NF1: variants seen among roughly 807,000 people sequenced by gnomAD.
NF1 encodes neurofibromin.
Under a neutral mutation model 325.7 loss-of-function variants are expected in NF1, and 122 were observed. The ratio of observed to expected loss-of-function variants is 0.37; its 90% CI spans 0.32 to 0.44. The LOEUF (loss-of-function observed/expected upper bound fraction) is 0.44. Among genes scored for constraint, NF1 ranks in the 20% least tolerant of loss-of-function variants. The pLI, the probability that NF1 is intolerant of heterozygous loss-of-function variation, is 1.00. For missense variants in NF1, 2,140 were observed against 3,415.4 expected (o/e 0.63, Z 9.31); for synonymous variants, 1,091 against 1,186.0 (o/e 0.92, Z 1.65).
At chr17:31,296,447 T>C in intron 36 of NF1, 2 of 993,522 alleles carry the variant, frequency 2.0e-6, no homozygotes, top group Admixed American at 1.7e-5. Context: ...TGTTGTCGAG[T>C]CCTTTTATAA....
chr17:31,309,847 G>T (rs1380078760), intron 36 of NF1, among the ~76,000 whole-genome samples: 1 of 152,170 alleles, frequency 6.6e-6, no homozygotes, highest in Non-Finnish European at 1.5e-5. Context: ...TCAGTTAACG[G>T]TTATGGCAAT....
intron 36 of NF1, chr17:31,320,589 A>G: frequency 1.7e-6 from 1 of 576,624 alleles, no homozygotes; most frequent in East Asian, 2.8e-5. Context: ...TGTAATAAAC[A>G]ATGCTAACTG....
At chr17:31,139,815 G>A (rs577954219) in intron 1 of NF1, among the ~76,000 whole-genome samples, 1 of 152,322 alleles carries the variant, frequency 6.6e-6, no homozygotes, top group African/African-American at 2.4e-5. Flanking sequence ...TAGGATTATT[G>A]TAGAAATATT....
intron 2 of NF1, among the ~76,000 whole-genome samples, chr17:31,156,537 C>T (rs1000412995): frequency 6.6e-6 from 1 of 152,088 alleles, no homozygotes; most frequent in South Asian, 2.1e-4. Flanking sequence ...TGTCCCAGCC[C>T]TAAGTAGATG....
At chr17:31,290,959 T>G (rs935885270) in intron 36 of NF1, among the ~76,000 whole-genome samples, 1 of 149,976 alleles carries the variant, frequency 6.7e-6, no homozygotes, top group African/African-American at 2.5e-5. Context: ...TGAGCCAAGA[T>G]CGCACCACTG....
chr17:31,317,834 G>A (rs7505), intron 36 of NF1: 76,627 of 152,988 alleles, frequency 0.5, 20,966 homozygotes, highest in Non-Finnish European at 0.62. Context: ...CATCCAGCAA[G>A]GAAGATACCA....
intron 55 of NF1, 46 bp from the exon 56 acceptor site, chr17:31,358,923 A>G: frequency 6.6e-7 from 1 of 1,525,536 alleles, no homozygotes; most frequent in African/African-American, 1.4e-5. Flanking sequence ...TGTTACAATT[A>G]AAAGATACCT....
intron 1 of NF1, among the ~76,000 whole-genome samples, chr17:31,147,861 T>C (rs1916684467): frequency 6.6e-6 from 1 of 152,244 alleles, no homozygotes; most frequent in Non-Finnish European, 1.5e-5. Flanking sequence ...CACTGAGGCA[T>C]TTGAGATTCC....
At chr17:31,362,770 C>T (rs1305034975) in intron 57 of NF1, among the ~76,000 whole-genome samples, 1 of 152,076 alleles carries the variant, frequency 6.6e-6, no homozygotes, top group Non-Finnish European at 1.5e-5. Context: ...ACTTTTTTTA[C>T]CCAGTCTAAT....
At chr17:31,141,653 A>G (rs1450259608) in intron 1 of NF1, among the ~76,000 whole-genome samples, 1 of 152,218 alleles carries the variant, frequency 6.6e-6, no homozygotes, top group African/African-American at 2.4e-5. Context: ...GTTTAAAACA[A>G]CAGACATTTA....
chr17:31,233,877 T>G (rs1456098233), intron 27 of NF1, among the ~76,000 whole-genome samples: 1 of 152,220 alleles, frequency 6.6e-6, no homozygotes, highest in Non-Finnish European at 1.5e-5. Flanking sequence ...CTGTATTTGT[T>G]ATACCTGTAC....
At chr17:31,139,228 A>G (rs149131931) in intron 1 of NF1, among the ~76,000 whole-genome samples, 4,353 of 152,114 alleles carry the variant, frequency 0.029, 102 homozygotes, top group Non-Finnish European at 0.044. Flanking sequence ...TTGTATTTTT[A>G]GTAGAGATGA....
At chr17:31,239,550 T>TGGG (rs140263230) in intron 29 of NF1, among the ~76,000 whole-genome samples, 1 of 147,736 alleles carries the variant, frequency 6.8e-6, no homozygotes, top group East Asian at 2.0e-4. Context: ...TAAAGCAAGA[T>TGGG]GGGGGGAGGA....
chr17:31,363,179 A>C (rs1420654290), intron 57 of NF1, among the ~76,000 whole-genome samples: 1 of 152,160 alleles, frequency 6.6e-6, no homozygotes, highest in Non-Finnish European at 1.5e-5. Flanking sequence ...TTGGTTTGAC[A>C]GTTTATTTTA....
chr17:31,346,840 T>TA (rs1002775804), intron 48 of NF1, among the ~76,000 whole-genome samples: 16 of 143,992 alleles, frequency 1.1e-4, no homozygotes, highest in East Asian at 2.1e-4. Flanking sequence ...TTTTTTTTTT[T>TA]ACATCTGTTT....
intron 40 of NF1, 42 bp downstream of exon 40, chr17:31,335,073 G>A (rs919939110): frequency 2.6e-6 from 4 of 1,542,954 alleles, no homozygotes; most frequent in Non-Finnish European, 3.6e-6. Flanking sequence ...TCTCCTTTGT[G>A]CACATATTTA....
rs1555534605 is a variant in NF1, at chr17:31,336,388, G to A, written c.6062G>A (p.Gly2021Asp). 6.2e-7 allele frequency: 1 copy of A among 1,614,060 alleles called. No homozygotes were observed. Among genetic ancestry groups the A allele is most frequent in the Non-Finnish European group, 8.5e-7 (1 of 1,179,976 alleles). ...LDSFIKTSAT[G>D]GLGSIKAEVM... ...AGTTTCATCAAAACCAGTGCAACAG[G>A]TGGCTTGGGATCAATAAAAGCTGAG... The change falls in exon 41 of 58, where the codon GGT (glycine) becomes GAT (aspartate). Residue 2021 changes from glycine to aspartate, a missense_variant. Gly to Asp is a moderately conservative substitution (Grantham distance 94). Around this residue, in one of 10 missense-constraint regions of NF1, gnomAD observed 180 missense variants for 435.1 expected, o/e 0.41. Transcript: ENST00000358273. The surrounding 1 kb of genome is among the most constrained non-coding windows in gnomAD (Gnocchi z 5.5).
chr17:31,307,473 A>G (rs572326070), intron 36 of NF1, among the ~76,000 whole-genome samples: 1 of 152,350 alleles, frequency 6.6e-6, no homozygotes, highest in Admixed American at 6.5e-5. Context: ...GAGAGCAACA[A>G]TGTGGGCACA....
chr17:31,205,914 AAG>A (rs2066611491), intron 11 of NF1, among the ~76,000 whole-genome samples: 1 of 152,092 alleles, frequency 6.6e-6, no homozygotes, highest in Admixed American at 6.6e-5. Context: ...AAAAAAAAAA[AAG>A]AAGATTGGCT....
Sources: gnomAD v4.1 joint callset for allele counts (sites outside exome capture counted in the v4.1 genomes callset) on GRCh38, gnomAD v4.1.1 for gene constraint, gnomAD v4.1.1 regional missense constraint, Gnocchi (gnomAD v3.1) non-coding constraint, MANE v1.5 for transcripts, NCBI Gene and HGNC (gene_info 2026-07-23, HGNC 2026-07-21) for gene names.